The following SYT10 variants were observed in gnomAD, a reference collection of about 807,000 sequenced individuals.
SYT10 encodes synaptotagmin-10.
In SYT10, 31 loss-of-function variants were observed where a neutral mutation model predicts 51.1. That is an observed-to-expected ratio of 0.61 (90% confidence interval 0.46 to 0.82). The LOEUF (loss-of-function observed/expected upper bound fraction) is 0.82. Ranked by LOEUF, SYT10 falls within the 40% of genes least tolerant of loss-of-function variation. The pLI, the probability that SYT10 is intolerant of heterozygous loss-of-function variation, is 0.00. For synonymous variants in SYT10, 233 were observed against 225.9 expected, an observed-to-expected ratio of 1.03 and a Z score of -0.28; for missense variants, 603 against 634.0, an observed-to-expected ratio of 0.95 and a Z score of 0.53.
At chr12:33,434,079 T>A (rs549015392) in intron 1 of SYT10, among the ~76,000 whole-genome samples, 1 of 152,306 alleles carries the variant, frequency 6.6e-6, no homozygotes, top group Non-Finnish European at 1.5e-5. Flanking sequence ...ACTTTCTACT[T>A]AGCACACTAA....
intron 1 of SYT10, among the ~76,000 whole-genome samples, chr12:33,435,727 C>A (rs921927274): frequency 6.6e-6 from 1 of 152,008 alleles, no homozygotes; most frequent in African/African-American, 2.4e-5. Flanking sequence ...CTATGAAGTC[C>A]CTCTACTAAT....
intron 1 of SYT10, 31 bp downstream of exon 1, chr12:33,439,341 G>A (rs777592567): frequency 2.5e-6 from 4 of 1,596,956 alleles, no homozygotes; most frequent in Non-Finnish European, 3.4e-6. Flanking sequence ...CCAGCGGAGC[G>A]CGAGGACGCG....
chr12:33,380,471 G>A (rs1866104874), intron 5 of SYT10, among the ~76,000 whole-genome samples: 1 of 152,120 alleles, frequency 6.6e-6, no homozygotes, highest in Non-Finnish European at 1.5e-5. Context: ...ATTATGTTCA[G>A]TTGCATGGCA....
chr12:33,383,432 T>C (rs1208619192), intron 4 of SYT10, among the ~76,000 whole-genome samples: 1 of 152,228 alleles, frequency 6.6e-6, no homozygotes, highest in African/African-American at 2.4e-5. Context: ...GAATGCTTCT[T>C]AGACTCTTGA....
Position 33,400,327 on chromosome 12 carries a change from A to G in SYT10, c.1077+6462T>C, listed in dbSNP as rs1033834392. On this transcript the variant is annotated intron_variant, in intron 3 of 6. Transcript: ENST00000228567. ...ATTTTAAATATTAAAAAATTTTAGT[A>G]ATGTGTAATAAAATATGTTATTTCA... is the stretch of plus-strand genomic sequence containing the variant. Among the ~76,000 whole-genome samples the G allele has an allele frequency of 2.6e-5, 4 of 152,334 alleles. No individual in the cohort carries two copies. The East Asian group carries it at 5.8e-4, about 22-fold the overall frequency.
intron 5 of SYT10, 26 bp downstream of exon 5, chr12:33,382,323 T>G (rs776565651): frequency 1.3e-6 from 2 of 1,520,236 alleles, no homozygotes; most frequent in African/African-American, 2.8e-5. Context: ...ATGGCTGCTC[T>G]TCAGTGAGAA....
At chr12:33,387,748 T>G (rs886762741) in intron 3 of SYT10, among the ~76,000 whole-genome samples, 11 of 34,968 alleles carry the variant, frequency 3.1e-4, no homozygotes, top group African/African-American at 2.4e-3. Flanking sequence ...TTCTAACATG[T>G]TTTTTTTTTT....
chr12:33,413,814 A>G (rs1866429260), intron 2 of SYT10, among the ~76,000 whole-genome samples: 1 of 152,222 alleles, frequency 6.6e-6, no homozygotes, highest in South Asian at 2.1e-4. Flanking sequence ...TAATGACAGG[A>G]TCAAATTCAC....
intron 3 of SYT10, among the ~76,000 whole-genome samples, chr12:33,391,261 T>A (rs180731258): frequency 7.9e-4 from 120 of 152,228 alleles, no homozygotes; most frequent in African/African-American, 2.5e-3. Flanking sequence ...TATTTTTTTT[T>A]ATCTTGTTTT....
In SYT10 at chr12:33,376,740, C is replaced by A. The variant is rs1866065689; in HGVS notation, c.*90G>T. On this transcript the variant is annotated 3_prime_UTR_variant, in exon 7 of 7. Coordinates refer to ENST00000228567, the MANE Select transcript of SYT10 (RefSeq NM_198992.4). ...TTTGTTCATTAGTACGGATATATTTCAAATGAGGAAACCAAACCTTCCACT... is the reference window on the plus strand; with the variant it reads ...TTTGTTCATTAGTACGGATATATTTAAAATGAGGAAACCAAACCTTCCACT... The A allele has an allele frequency of 1.4e-6, 2 of 1,457,690 alleles. No individual in the cohort carries two copies. The highest frequency in any genetic ancestry group is 1.4e-5 in the African/African-American group (1 of 71,218). The allele number at this position is 1,457,690 out of a possible 1,614,324, so 90.3% of individuals were successfully genotyped here. A position where few individuals can be genotyped will look rare whatever the true frequency, so the allele number is the denominator to read the frequency against.
intron 3 of SYT10, among the ~76,000 whole-genome samples, chr12:33,387,889 T>C (rs1591982853): frequency 6.6e-6 from 1 of 152,064 alleles, no homozygotes; most frequent in African/African-American, 2.4e-5. Flanking sequence ...ATTATAGGCA[T>C]GTACCACCAA....
At chr12:33,421,677 C>G (rs192357992) in intron 2 of SYT10, among the ~76,000 whole-genome samples, 69 of 152,110 alleles carry the variant, frequency 4.5e-4, no homozygotes, top group Middle Eastern at 6.8e-3. Flanking sequence ...GGGTTACACA[C>G]GCTTAGATGC....
intron 3 of SYT10, 58 bp from the exon 4 acceptor site, chr12:33,385,349 T>C (rs992342091): frequency 1.9e-6 from 3 of 1,590,300 alleles, no homozygotes; most frequent in African/African-American, 2.7e-5. Context: ...AAACCAAAAA[T>C]AATCATTTTA....
At chr12:33,424,529 T>C (rs1328300646) in intron 2 of SYT10, among the ~76,000 whole-genome samples, 2 of 152,086 alleles carry the variant, frequency 1.3e-5, no homozygotes, top group Admixed American at 6.6e-5. Context: ...CTATAAGATA[T>C]CATATGTGGC....
chr12:33,425,655 T>C (rs978299792), intron 2 of SYT10, among the ~76,000 whole-genome samples: 3 of 152,170 alleles, frequency 2.0e-5, no homozygotes, highest in African/African-American at 7.2e-5. Context: ...TGTTAAACAG[T>C]TGCAGACTAA....
intron 3 of SYT10, chr12:33,404,748 AATTTCTAACCAAACTGT>A (rs1254606299): frequency 1.8e-4 from 27 of 152,316 alleles, no homozygotes; most frequent in Admixed American, 2.0e-4. Context: ...CATTTGTGGT[AATTTCTAACCAAACTGT>A]ATTTCTAACC....
intron 6 of SYT10, among the ~76,000 whole-genome samples, chr12:33,377,820 G>T (rs1400212128): frequency 6.6e-6 from 1 of 151,540 alleles, no homozygotes; most frequent in Non-Finnish European, 1.5e-5. Flanking sequence ...TAGAGACGGG[G>T]TTTCACCATG....
chr12:33,404,163 A>G (rs1156784820), intron 3 of SYT10, among the ~76,000 whole-genome samples: 1 of 152,170 alleles, frequency 6.6e-6, no homozygotes, highest in East Asian at 1.9e-4. Context: ...TGTTACTTAA[A>G]TGGCAAAAGG....
chr12:33,403,860 TTTAA>T (rs1483257700), intron 3 of SYT10, among the ~76,000 whole-genome samples: 1 of 152,132 alleles, frequency 6.6e-6, no homozygotes, highest in African/African-American at 2.4e-5. Context: ...GAACAGAAAT[TTTAA>T]TTAAATACTA....
Sources: gnomAD v4.1 joint callset for allele counts (sites outside exome capture counted in the v4.1 genomes callset) on GRCh38, gnomAD v4.1.1 for gene constraint, MANE v1.5 for transcripts, NCBI Gene and HGNC (gene_info 2026-07-23, HGNC 2026-07-21) for gene names.